JAK2: variants seen among roughly 807,000 people sequenced by gnomAD.
JAK2 encodes the protein tyrosine-protein kinase JAK2.
JAK2 carries 86 observed loss-of-function variants against 139.3 expected under a neutral mutation model. That is an observed-to-expected ratio of 0.62 (90% CI 0.52 to 0.74). The LOEUF (loss-of-function observed/expected upper bound fraction) is 0.74. Ranked by LOEUF, JAK2 falls within the 30% of genes least tolerant of loss-of-function variation. The pLI, the probability that JAK2 is intolerant of heterozygous loss-of-function variation, is 0.00. For missense variants in JAK2, 1,421 were observed against 1,360.3 expected, an observed-to-expected ratio of 1.04 and a Z score of -0.70; for synonymous variants, 490 against 437.7, an observed-to-expected ratio of 1.12 and a Z score of -1.49.
At position 4,985,646 on chromosome 9, in the gene JAK2, GC is replaced by G. The variant is rs1819904763; in HGVS notation, c.-109+18del. On this transcript the variant is annotated intron_variant, in intron 1 of 24. Transcript: ENST00000381652. Reference sequence around the variant, plus strand: ...TGTGTAGCCGGTGGGTGTTATCTCTGCCTGGCTTCTGGGTGGGGGGCAGCAG... The same window carrying G: ...TGTGTAGCCGGTGGGTGTTATCTCTGCTGGCTTCTGGGTGGGGGGCAGCAG... The G allele has an allele frequency of 6.6e-6, 1 of 152,526 alleles. No individual in the cohort carries two copies. The highest frequency in any genetic ancestry group is 2.4e-5 in the African/African-American group (1 of 41,520). The allele number at this position is 152,526 out of a possible 1,614,324, so 9.4% of individuals were successfully genotyped here.
chr9:5,112,536 G>T, intron 22 of JAK2: 2 of 596,474 alleles, frequency 3.4e-6, no homozygotes, highest in East Asian at 3.0e-5. Flanking sequence ...AGGCCGAGTG[G>T]GAGAAGCAGG....
In JAK2 at chr9:5,090,462, AT is replaced by A; in HGVS notation, c.2780del (p.Leu927Ter). ...TGTTAAAAGGTCGGCGTAATCTAAA[AT>A]TAATTATGGAATATTTACCATATGG... ...CYSAGRRNLK[L>X]IMEYLPYGSL... On this transcript the variant is annotated frameshift_variant, in exon 21 of 25. Transcript: ENST00000381652. LOFTEE classifies it high-confidence loss of function. The A allele has an allele frequency of 6.4e-7, 1 of 1,566,326 alleles. No homozygotes were observed. The highest frequency in any genetic ancestry group is 8.7e-7 in the Non-Finnish European group (1 of 1,155,378).
At chr9:5,071,668 A>G (rs982234266) in intron 12 of JAK2, among the ~76,000 whole-genome samples, 1 of 152,176 alleles carries the variant, frequency 6.6e-6, no homozygotes, top group Non-Finnish European at 1.5e-5. Context: ...GTGGCATGGA[A>G]GGCAAAATGA....
In JAK2 at chr9:5,016,306, A is replaced by G. The variant is rs1284346837; in HGVS notation, c.-25-5657A>G. Among the ~76,000 whole-genome samples the G allele has an allele frequency of 2.6e-5, 4 of 152,182 alleles. No homozygotes were observed. The East Asian group carries it at 7.7e-4, about 29-fold the overall frequency. On this transcript the variant is annotated intron_variant, in intron 2 of 24. Transcript: ENST00000381652. ...AAGGCAGGAATTTTAACCTGCTGTT[A>G]TAAGACCTGGTTCTATATATGGATA... is the stretch of plus-strand genomic sequence containing the variant.
At chr9:4,993,169 T>C (rs1270160425) in intron 2 of JAK2, among the ~76,000 whole-genome samples, 1 of 152,204 alleles carries the variant, frequency 6.6e-6, no homozygotes, top group Non-Finnish European at 1.5e-5. Context: ...CACAAATCTC[T>C]TTTGAGAGGA....
intron 22 of JAK2, chr9:5,112,778 G>A (rs1205342272): frequency 3.4e-6 from 2 of 595,444 alleles, no homozygotes; most frequent in East Asian, 3.6e-5. Context: ...CGTGTTCGGA[G>A]GCCCCCAGAT....
At chr9:5,080,485 G>C (rs776735819) in intron 17 of JAK2, 48 bp from the exon 18 acceptor site, 1 of 1,542,654 alleles carries the variant, frequency 6.5e-7, no homozygotes, top group Non-Finnish European at 8.8e-7. Context: ...AAGAAGGTTG[G>C]TGTGGCATTA....
At position 5,090,533 on chromosome 9, in the gene JAK2, A is replaced by T; in HGVS notation, c.2849A>T (p.His950Leu). 1 of 1,598,286 alleles carries T rather than the reference A, an allele frequency of 6.3e-7. No homozygotes were observed. The highest frequency in any genetic ancestry group is 1.1e-5 in the South Asian group (1 of 87,328). The stretch of plus-strand genomic sequence containing the variant: ...CAAAAACATAAAGAACGGATAGATC[A>T]CATAAAACTTCTGCAGTACACATCT... ...YLQKHKERID[H>L]IKLLQYTSQI... The change falls in exon 21 of 25, where the codon CAC becomes CTC. Residue 950 changes from histidine to leucine, a missense_variant. By Grantham distance (99) the His-to-Leu change is moderately conservative (BLOSUM62 -3). Coordinates refer to ENST00000381652, the MANE Select transcript of JAK2 (RefSeq NM_004972.4).
intron 4 of JAK2, among the ~76,000 whole-genome samples, chr9:5,031,265 C>T (rs1001503127): frequency 6.6e-6 from 1 of 152,120 alleles, no homozygotes; most frequent in Non-Finnish European, 1.5e-5. Flanking sequence ...GAAGACTTAC[C>T]TGGCAATTGT....
chr9:5,070,843 T>G (rs1389069933), intron 12 of JAK2, among the ~76,000 whole-genome samples: 1 of 152,088 alleles, frequency 6.6e-6, no homozygotes, highest in Non-Finnish European at 1.5e-5. Flanking sequence ...GCCACATTTA[T>G]CAAGGGGGTT....
chr9:5,104,654 C>G (rs1317802820), intron 22 of JAK2, among the ~76,000 whole-genome samples: 3 of 152,312 alleles, frequency 2.0e-5, no homozygotes, highest in Middle Eastern at 3.4e-3. Flanking sequence ...ATGTGAAAAT[C>G]CTCAATAAAA....
rs532988076 is a variant in JAK2 at position 5,109,364 on chromosome 9, A to C, written c.3060-13640A>C. 7.9e-5 allele frequency: 12 copies of C among 152,308 alleles called. No homozygotes were observed. In the East Asian group the frequency reaches 2.3e-3, roughly 29 times the overall value. 9.4% of individuals were successfully genotyped at this position (152,308 alleles called of 1,614,324 possible). ...GAAGCCTGCAACTTCTTATCTACCAAGAAAGTATGCAAGAACTGCTAACTC... is the reference window on the plus strand; with the variant it reads ...GAAGCCTGCAACTTCTTATCTACCACGAAAGTATGCAAGAACTGCTAACTC... On this transcript the variant is annotated intron_variant, in intron 22 of 24. Coordinates refer to ENST00000381652, the MANE Select transcript of JAK2 (RefSeq NM_004972.4).
chr9:4,995,695 G>A (rs1041071650), intron 2 of JAK2, among the ~76,000 whole-genome samples: 9 of 152,130 alleles, frequency 5.9e-5, no homozygotes, highest in African/African-American at 1.9e-4. Context: ...CATATGGGAG[G>A]CATTCAAGTA....
chr9:5,086,716 TCTGA>T (rs1276100184), intron 19 of JAK2, among the ~76,000 whole-genome samples: 1 of 152,226 alleles, frequency 6.6e-6, no homozygotes, highest in South Asian at 2.1e-4. Flanking sequence ...AATCTCCCTG[TCTGA>T]CTATAACTTT....
chr9:5,096,358 A>G (rs1190322101), intron 22 of JAK2, among the ~76,000 whole-genome samples: 1 of 152,184 alleles, frequency 6.6e-6, no homozygotes, highest in African/African-American at 2.4e-5. Context: ...GCAAAACTCT[A>G]TTCTGCATCA....
rs140473080 is a variant in JAK2 at position 4,987,659 on chromosome 9, C to T, written c.-26+1637C>T. The stretch of plus-strand genomic sequence containing the variant: ...GGTGAGGCAGGAGAATTGCTTGAAC[C>T]TGGGAAGTGGTGGTTGCAGTGAGCC... On this transcript the variant is annotated intron_variant, in intron 2 of 24. Coordinates refer to ENST00000381652, the MANE Select transcript of JAK2 (RefSeq NM_004972.4). 6.2e-3 allele frequency among the ~76,000 whole-genome samples: 891 copies of T among 142,732 alleles called. 9 individuals are homozygous for T. The highest frequency in any genetic ancestry group is 0.023 in the African/African-American group (852 of 37,334). The allele number at this position is 142,732 out of a possible 152,430, so 93.6% of individuals were successfully genotyped here. A position where few individuals can be genotyped will look rare whatever the true frequency, so the allele number is the denominator to read the frequency against.
At chr9:4,998,349 C>T (rs1034088445) in intron 2 of JAK2, among the ~76,000 whole-genome samples, 1 of 152,070 alleles carries the variant, frequency 6.6e-6, no homozygotes, top group African/African-American at 2.4e-5. Flanking sequence ...TTCTGCCTCC[C>T]AGATTCAAGC....
chr9:5,004,194 G>A (rs1247791151), intron 2 of JAK2, among the ~76,000 whole-genome samples: 1 of 151,964 alleles, frequency 6.6e-6, no homozygotes, highest in African/African-American at 2.4e-5. Flanking sequence ...TATTGTTATT[G>A]GTAATCACCA....
intron 22 of JAK2, chr9:5,111,605 C>A: frequency 2.7e-6 from 1 of 369,442 alleles, no homozygotes; most frequent in Non-Finnish European, 5.3e-6. Flanking sequence ...TTCCCTGGGC[C>A]AGGTGGGCTT....
Sources: gnomAD v4.1 joint callset for allele counts (sites outside exome capture counted in the v4.1 genomes callset) on GRCh38, gnomAD v4.1.1 for gene constraint, MANE v1.5 for transcripts, NCBI Gene and HGNC (gene_info 2026-07-23, HGNC 2026-07-21) for gene names.